CUL2: variants seen among roughly 807,000 people sequenced by gnomAD.
CUL2 encodes cullin 2, also known as cullin-2.
In CUL2, 22 loss-of-function variants were observed where a neutral mutation model predicts 110.2. That is an observed-to-expected ratio of 0.20 (90% CI 0.14 to 0.28). CUL2 has a LOEUF of 0.28. Among genes scored for constraint, CUL2 ranks in the 10% least tolerant of loss-of-function variants. The pLI is 1.00. For synonymous variants in CUL2, 279 were observed against 293.2 expected (o/e 0.95, Z 0.49); for missense variants, 631 against 905.5 (o/e 0.70, Z 3.89).
intron 10 of CUL2, among the ~76,000 whole-genome samples, chr10:35,034,964 A>G (rs1027776782): frequency 3.3e-5 from 5 of 152,242 alleles, no homozygotes; most frequent in African/African-American, 1.2e-4. Flanking sequence ...CGTATGGCTA[A>G]GCAGCAGCCT....
intron 1 of CUL2, chr10:35,074,217 C>T (rs1455864968): frequency 5.2e-6 from 8 of 1,535,262 alleles, no homozygotes; most frequent in Admixed American, 3.9e-5. Flanking sequence ...GACCATGTTA[C>T]TCTGTACATA....
intron 17 of CUL2, among the ~76,000 whole-genome samples, chr10:35,023,322 A>C (rs1406678309): frequency 3.9e-5 from 6 of 152,192 alleles, no homozygotes; most frequent in African/African-American, 1.4e-4. Context: ...TCGGTGACTC[A>C]AAACAAAAAA....
At chr10:35,071,469 A>G in intron 1 of CUL2, 130 bp from the exon 2 acceptor site, 1 of 701,306 alleles carries the variant, frequency 1.4e-6, no homozygotes, top group Admixed American at 2.9e-5. Context: ...CAATGGCGTG[A>G]TCTTGGCTCA....
At chr10:35,073,589 T>TC (rs1377988241) in intron 1 of CUL2, among the ~76,000 whole-genome samples, 3 of 151,596 alleles carry the variant, frequency 2.0e-5, no homozygotes, top group South Asian at 2.1e-4. Flanking sequence ...TCTTTTCTTT[T>TC]TTTTTTTCTT....
At chr10:35,038,608 G>A (rs1588981433) in intron 9 of CUL2, among the ~76,000 whole-genome samples, 1 of 134,280 alleles carries the variant, frequency 7.4e-6, no homozygotes, top group African/African-American at 2.8e-5. Flanking sequence ...CATAATATTT[G>A]TATTTCCTTT....
chr10:35,079,425 G>C (rs1052466652), intron 1 of CUL2, among the ~76,000 whole-genome samples: 1 of 152,160 alleles, frequency 6.6e-6, no homozygotes, highest in Admixed American at 6.6e-5. Context: ...TTCGTCTCTG[G>C]GGATCCCTTG....
chr10:35,050,686 C>A (rs1046070139), intron 5 of CUL2, among the ~76,000 whole-genome samples: 3 of 152,172 alleles, frequency 2.0e-5, no homozygotes, highest in Non-Finnish European at 4.4e-5. Flanking sequence ...TATACAGCAT[C>A]CTGTTGCATA....
intron 8 of CUL2, among the ~76,000 whole-genome samples, chr10:35,041,594 G>A (rs1401578923): frequency 2.0e-5 from 3 of 152,210 alleles, no homozygotes; most frequent in African/African-American, 7.2e-5. Context: ...CAGGAGGGCA[G>A]TGGTGCAATC....
intron 2 of CUL2, among the ~76,000 whole-genome samples, chr10:35,097,184 A>C (rs1329080206): frequency 6.6e-6 from 1 of 152,106 alleles, no homozygotes; most frequent in Non-Finnish European, 1.5e-5. Flanking sequence ...CTAAAGTGTC[A>C]CAAGTAGGTA....
At chr10:35,010,547 CA>C (rs2084874188) in intron 20 of CUL2, 105 bp from the exon 21 acceptor site, 1 of 1,019,202 alleles carries the variant, frequency 9.8e-7, no homozygotes. Flanking sequence ...GAGGTTTCAA[CA>C]AATGGGCCAA....
chr10:35,013,213 T>C (rs61841047), intron 19 of CUL2, among the ~76,000 whole-genome samples: 2,458 of 151,798 alleles, frequency 0.016, 44 homozygotes, highest in Non-Finnish European at 0.025. Context: ...GGCATAGTGG[T>C]GGGCGCCTGT....
At chr10:35,058,565 T>C (rs2086302331) in intron 4 of CUL2, among the ~76,000 whole-genome samples, 1 of 152,222 alleles carries the variant, frequency 6.6e-6, no homozygotes, top group Admixed American at 6.5e-5. Context: ...TCTTAGCTGA[T>C]AATTCCCAGG....
chr10:35,110,385 G>A (rs1240091260), intron 1 of CUL2, among the ~76,000 whole-genome samples: 3 of 151,914 alleles, frequency 2.0e-5, no homozygotes, highest in African/African-American at 7.3e-5. Context: ...CCAACATGGT[G>A]AAACCTGTCT....
At chr10:35,071,434 T>G (rs1419183826) in intron 1 of CUL2, 95 bp from the exon 2 acceptor site, 1 of 1,092,096 alleles carries the variant, frequency 9.2e-7, no homozygotes, top group Non-Finnish European at 1.3e-6. Flanking sequence ...AGACGGAGTC[T>G]CGCTCTGTCG....
intron 1 of CUL2, among the ~76,000 whole-genome samples, chr10:35,076,629 G>A (rs1468962224): frequency 6.6e-6 from 1 of 151,790 alleles, no homozygotes; most frequent in African/African-American, 2.4e-5. Flanking sequence ...TATGTTCCTG[G>A]GTGTATTTTA....
chr10:35,071,572 T>C (rs531224672), intron 1 of CUL2, among the ~76,000 whole-genome samples: 6 of 152,110 alleles, frequency 3.9e-5, no homozygotes, highest in African/African-American at 1.4e-4. Flanking sequence ...GCCCAGCTAA[T>C]TTTTTGTATT....
intron 8 of CUL2, among the ~76,000 whole-genome samples, chr10:35,043,094 A>G (rs1255809963): frequency 6.6e-6 from 1 of 152,092 alleles, no homozygotes; most frequent in Non-Finnish European, 1.5e-5. Context: ...GAGGAAAAAC[A>G]TGGTTTGAGA....
At chr10:35,114,291 C>T (rs905693005) in intron 1 of CUL2, among the ~76,000 whole-genome samples, 28 of 151,476 alleles carry the variant, frequency 1.8e-4, no homozygotes, top group African/African-American at 6.3e-4. Context: ...CTGGAACTCC[C>T]GACCTCAAGT....
chr10:35,062,978 A>G lies in CUL2; in HGVS notation c.204T>C (p.His68=), dbSNP rs772176900. ...YTETKIFLEN[H]VRHLHKRVLE... is the part of the protein sequence containing the mutation. ...TGCTTACCTTATGCAAATGCCGAAC[A>G]TGATTTTCCAAAAAAATCTTAGTTT... Residue 68 remains histidine (H), a synonymous_variant, in exon 3 of 21, where the codon CAT becomes CAC. Transcript: ENST00000374749. 12 of 1,600,278 alleles carry G rather than the reference A, an allele frequency of 7.5e-6. 1 individual carries two copies. The South Asian group carries it at 8.8e-5, about 12-fold the overall frequency.
Sources: gnomAD v4.1 joint callset for allele counts (sites outside exome capture counted in the v4.1 genomes callset) on GRCh38, gnomAD v4.1.1 for gene constraint, MANE v1.5 for transcripts, NCBI Gene and HGNC (gene_info 2026-07-23, HGNC 2026-07-21) for gene names.